The following AQP7 variants were observed in gnomAD, a reference collection of about 807,000 sequenced individuals.
AQP7 encodes aquaporin-7.
AQP7 carries 22 observed loss-of-function variants against 26.1 expected under a neutral mutation model. The ratio of observed to expected loss-of-function variants is 0.84; its 90% CI spans 0.60 to 1.20. AQP7 has a LOEUF of 1.20. Among genes scored for constraint, AQP7 ranks in the 50% most tolerant of loss-of-function variants. The probability of loss-of-function intolerance (pLI) is 0.00; values close to 1 mark genes in which losing one functional copy is unlikely to be tolerated. For synonymous variants in AQP7, 167 were observed against 181.7 expected (o/e 0.92, Z 0.65); for missense variants, 412 against 457.5 (o/e 0.90, Z 0.91).
chr9:33,390,027 CA>C (rs778333672), intron 3 of AQP7, among the ~76,000 whole-genome samples: 27,345 of 78,542 alleles, frequency 0.35, 1,933 homozygotes, highest in African/African-American at 0.36. Context: ...GACTCCGTCT[CA>C]AAAAAAAAAA....
At chr9:33,388,138 A>G (rs1427495402) in intron 3 of AQP7, among the ~76,000 whole-genome samples, 1 of 151,990 alleles carries the variant, frequency 6.6e-6, no homozygotes. Flanking sequence ...AATTCCCGTC[A>G]TCTCCGCGGG....
Position 33,401,285 on chromosome 9 carries a change from A to G in AQP7, c.-23T>C. 1 of 1,549,134 alleles carries G rather than the reference A, an allele frequency of 6.5e-7. No individual in the cohort carries two copies. Among genetic ancestry groups the G allele is most frequent in the East Asian group, 2.4e-5 (1 of 40,924 alleles). On this transcript the variant is annotated splice_region_variant and 5_prime_UTR_variant, in exon 2 of 8. Coordinates refer to ENST00000297988, the MANE Select transcript of AQP7 (RefSeq NM_001170.3). ...CATGTTTTGTCTTTCAGATTTGTAG[A>G]TGCTGAGGAGCCAAAGAGAGGTCAC...
At chr9:33,397,100 C>CA (rs35294363) in intron 2 of AQP7, among the ~76,000 whole-genome samples, 18,526 of 77,852 alleles carry the variant, frequency 0.24, 1,889 homozygotes, top group Middle Eastern at 0.32. Flanking sequence ...CACCCTGTCT[C>CA]AAAAAAAAAA....
chr9:33,386,113 A>G lies in AQP7; in HGVS notation c.489T>C (p.Pro163=). Residue 163 remains proline, a synonymous_variant, in exon 6 of 8, where the codon CCT becomes CCC. Transcript: ENST00000297988. ...AGCCCCGCCACAATGTCATGTGATCAGGAAGGTAGGTGGCAAAAATGCCAG... is the reference window on the plus strand; with the variant it reads ...AGCCCCGCCACAATGTCATGTGATCGGGAAGGTAGGTGGCAAAAATGCCAG... ...ATAGIFATYL[P]DHMTLWRGFL... The G allele has an allele frequency of 6.2e-7, 1 of 1,613,928 alleles. No homozygotes were observed. The highest frequency in any genetic ancestry group is 8.5e-7 in the Non-Finnish European group (1 of 1,179,872).
At chr9:33,387,637 C>T (rs890412710) in intron 3 of AQP7, among the ~76,000 whole-genome samples, 1 of 152,126 alleles carries the variant, frequency 6.6e-6, no homozygotes, top group African/African-American at 2.4e-5. Flanking sequence ...AGGCGGCATT[C>T]CCAAGCTGCT....
At chr9:33,401,343 C>A in intron 1 of AQP7, 56 bp from the exon 2 acceptor site, 1 of 1,431,974 alleles carries the variant, frequency 7.0e-7, no homozygotes, top group Non-Finnish European at 9.6e-7. Flanking sequence ...TGGCCCCACA[C>A]TTCCATCAGA....
At position 33,388,421 on chromosome 9, in the gene AQP7, G is replaced by T. The variant is rs142991415; in HGVS notation, c.145-1329C>A. On this transcript the variant is annotated intron_variant, in intron 3 of 7. Transcript: ENST00000297988. ...ATCTTCCTAACAAAAACCCCATCGC[G>T]TCTTCCCCAGACTCACTCACTGGCT... 8.1e-4 allele frequency among the ~76,000 whole-genome samples: 124 copies of T among 152,188 alleles called. 3 individuals carry two copies. In the East Asian group the frequency reaches 0.017, roughly 20 times the overall value.
At position 33,385,775 on chromosome 9, in the gene AQP7, A is replaced by G. The variant is rs758358831; in HGVS notation, c.617T>C (p.Ile206Thr). 3.7e-6 allele frequency: 6 copies of G among 1,613,414 alleles called. No individual in the cohort carries two copies. The highest frequency in any genetic ancestry group is 3.3e-5 in the Admixed American group (2 of 60,012). Residue 206 changes from isoleucine (I) to threonine (T), a missense_variant, in exon 7 of 8, where the codon ATA (isoleucine) becomes ACA (threonine). Transcript: ENST00000297988. The part of the protein sequence containing the change: ...PALPGTEALV[I>T]GILVVIIGVS... ...CCCGATGATGACCACGAGGATGCCT[A>G]TCACCAGCGCCTCTGTTCCTGGCAG... is the stretch of plus-strand genomic sequence containing the variant.
chr9:33,401,053 C>G lies in AQP7; in HGVS notation c.26+184G>C. 4.5e-6 allele frequency: 3 copies of G among 668,830 alleles called. No homozygotes were observed. In the South Asian group the frequency reaches 5.3e-5, roughly 12 times the overall value. 41.4% of individuals were successfully genotyped at this position (668,830 alleles called of 1,614,324 possible). On this transcript the variant is annotated intron_variant, in intron 2 of 7. Coordinates refer to ENST00000297988, the MANE Select transcript of AQP7 (RefSeq NM_001170.3). ...GCCTCCCCTCACCCCAGGACCCAGC[C>G]CAGGCAACAGGTGGAAGATGCTCTT...
At chr9:33,396,046 A>G (rs1825822030) in intron 2 of AQP7, among the ~76,000 whole-genome samples, 1 of 152,198 alleles carries the variant, frequency 6.6e-6, no homozygotes, top group Admixed American at 6.5e-5. Context: ...ATGGAAAGGT[A>G]GATGAAACAG....
chr9:33,385,905 C>G, intron 6 of AQP7, 39 bp from the exon 7 acceptor site: 1 of 1,583,958 alleles, frequency 6.3e-7, no homozygotes, highest in Non-Finnish European at 8.6e-7. Flanking sequence ...CTGGGCCCCT[C>G]CCCAAGCCAC....
chr9:33,397,183 A>G (rs1352142433), intron 2 of AQP7, among the ~76,000 whole-genome samples: 1 of 151,252 alleles, frequency 6.6e-6, no homozygotes, highest in Non-Finnish European at 1.5e-5. Context: ...AGTTTCCTTC[A>G]CTGCAGTGCC....
At chr9:33,397,821 A>T in intron 2 of AQP7, among the ~76,000 whole-genome samples, 1 of 152,186 alleles carries the variant, frequency 6.6e-6, no homozygotes, top group East Asian at 1.9e-4. Context: ...AAGAACACCA[A>T]GAGAATCCTG....
chr9:33,397,319 G>C (rs1358888274), intron 2 of AQP7, among the ~76,000 whole-genome samples: 1 of 152,022 alleles, frequency 6.6e-6, no homozygotes, highest in Admixed American at 6.6e-5. Context: ...TCCCTGCTCT[G>C]TCTACCTCTC....
chr9:33,385,981 C>A, intron 6 of AQP7, 96 bp downstream of exon 6: 1 of 1,573,696 alleles, frequency 6.4e-7, no homozygotes. Context: ...AGTCTCCATC[C>A]AGAGTTCTTG....
chr9:33,401,210 A>G, intron 2 of AQP7, 27 bp downstream of exon 2: 1 of 1,548,722 alleles, frequency 6.5e-7, no homozygotes, highest in Non-Finnish European at 8.7e-7. Flanking sequence ...AGGGGGCTGG[A>G]GGGTGAGAAG....
intron 3 of AQP7, chr9:33,393,835 G>C (rs1825620733): frequency 6.6e-6 from 1 of 152,278 alleles, no homozygotes; most frequent in Non-Finnish European, 1.5e-5. Context: ...GCCGCTGACG[G>C]CTTCTTCCTG....
chr9:33,392,142 C>T (rs957789278), intron 3 of AQP7, among the ~76,000 whole-genome samples: 1 of 152,036 alleles, frequency 6.6e-6, no homozygotes, highest in Admixed American at 6.6e-5. Context: ...GGTGAAACCT[C>T]GTCTTTCCTA....
At chr9:33,386,011 C>T in intron 6 of AQP7, 66 bp downstream of exon 6, 1 of 1,601,142 alleles carries the variant, frequency 6.2e-7, no homozygotes, top group Non-Finnish European at 8.5e-7. Context: ...TCCGGAGGGA[C>T]TCCCTGCTGG....
Sources: allele counts gnomAD v4.1 joint callset (sites outside exome capture counted in the v4.1 genomes callset), GRCh38; gene constraint gnomAD v4.1.1; transcripts MANE v1.5; gene names NCBI Gene and HGNC (gene_info 2026-07-23, HGNC 2026-07-21).